Variants in COMMD1 observed in about 807,000 individuals in gnomAD.
COMMD1 encodes the protein copper metabolism domain containing 1.
COMMD1 carries 10 observed loss-of-function variants against 17.2 expected under a neutral mutation model. That is an observed-to-expected ratio of 0.58 (90% CI 0.36 to 0.99). The LOEUF (loss-of-function observed/expected upper bound fraction) is 0.99. Among genes scored for constraint, COMMD1 ranks in the 50% least tolerant of loss-of-function variants. The pLI is 0.01. For missense variants in COMMD1, 270 were observed against 231.8 expected, an observed-to-expected ratio of 1.17 and a Z score of -1.07; for synonymous variants, 97 against 91.6, an observed-to-expected ratio of 1.06 and a Z score of -0.34.
At chr2:62,063,898 T>TATATATA (rs1438732823) in intron 2 of COMMD1, among the ~76,000 whole-genome samples, 38 of 126,302 alleles carry the variant, frequency 3.0e-4, no homozygotes, top group South Asian at 5.4e-4. Flanking sequence ...TATATATATA[T>TATATATA]TAGCCAGGCA....
chr2:62,058,982 G>GTTAGT (rs773790034), intron 2 of COMMD1, among the ~76,000 whole-genome samples: 84 of 152,102 alleles, frequency 5.5e-4, no homozygotes, highest in Non-Finnish European at 1.0e-3. Flanking sequence ...GTTTCTCCAT[G>GTTAGT]TTAGTCAGGC....
chr2:61,969,082 C>T (rs1671580084), intron 1 of COMMD1: 1 of 432,064 alleles, frequency 2.3e-6, no homozygotes, highest in Non-Finnish European at 4.7e-6. Flanking sequence ...CCTCAGCCTC[C>T]TGAGCAGCTG....
intron 2 of COMMD1, among the ~76,000 whole-genome samples, chr2:62,111,675 C>T (rs905266534): frequency 2.6e-5 from 4 of 152,030 alleles, no homozygotes; most frequent in Admixed American, 1.3e-4. Context: ...TGACTTGAAA[C>T]GGGAAAGAGG....
chr2:62,083,254 C>T (rs940538222), intron 2 of COMMD1, among the ~76,000 whole-genome samples: 3 of 150,332 alleles, frequency 2.0e-5, no homozygotes, highest in South Asian at 4.2e-4. Flanking sequence ...CAGAATAAGA[C>T]CCTGTCTCAA....
chr2:61,939,297 C>CAAA (rs1194444288), intron 1 of COMMD1, among the ~76,000 whole-genome samples: 1 of 65,272 alleles, frequency 1.5e-5, no homozygotes, highest in Non-Finnish European at 3.5e-5. Context: ...ACTAAAAATA[C>CAAA]AAAAAAAAAA....
At chr2:62,116,202 A>G (rs551811299) in intron 2 of COMMD1, among the ~76,000 whole-genome samples, 1 of 152,226 alleles carries the variant, frequency 6.6e-6, no homozygotes, top group Admixed American at 6.5e-5. Flanking sequence ...CAGATGTCTT[A>G]TGTTTTATAA....
At chr2:62,088,539 G>A (rs1307011391) in intron 2 of COMMD1, among the ~76,000 whole-genome samples, 1 of 152,116 alleles carries the variant, frequency 6.6e-6, no homozygotes, top group Non-Finnish European at 1.5e-5. Flanking sequence ...CTTATCTACA[G>A]TCCATTTGAT....
intron 2 of COMMD1, among the ~76,000 whole-genome samples, chr2:62,067,790 T>G (rs559085062): frequency 6.6e-6 from 1 of 152,178 alleles, no homozygotes; most frequent in Non-Finnish European, 1.5e-5. Flanking sequence ...ACCTGTCACT[T>G]TGAGGATCTT....
chr2:62,110,865 C>T (rs534130765), intron 2 of COMMD1, among the ~76,000 whole-genome samples: 6 of 152,150 alleles, frequency 3.9e-5, no homozygotes, highest in Admixed American at 3.3e-4. Flanking sequence ...TGAGAAATAA[C>T]CCAGAGAGAT....
At chr2:61,936,671 C>G (rs1007028338) in intron 1 of COMMD1, among the ~76,000 whole-genome samples, 3 of 152,100 alleles carry the variant, frequency 2.0e-5, no homozygotes, top group African/African-American at 7.2e-5. Flanking sequence ...TGGGCTCAAG[C>G]GATCCTCCTG....
intron 1 of COMMD1, among the ~76,000 whole-genome samples, chr2:61,975,318 T>G (rs972282014): frequency 2.6e-5 from 4 of 152,164 alleles, no homozygotes; most frequent in African/African-American, 9.6e-5. Flanking sequence ...AAAACTGCTA[T>G]AAAAAACCAC....
chr2:62,068,108 C>G (rs1212728637), intron 2 of COMMD1, among the ~76,000 whole-genome samples: 3 of 152,164 alleles, frequency 2.0e-5, no homozygotes, highest in Non-Finnish European at 2.9e-5. Context: ...ACCTAGGTCA[C>G]TATAATACTA....
chr2:62,020,268 G>C (rs565625580), intron 2 of COMMD1, among the ~76,000 whole-genome samples: 1 of 152,320 alleles, frequency 6.6e-6, no homozygotes, highest in South Asian at 2.1e-4. Flanking sequence ...CAAAGGTGTC[G>C]TTACGTCACA....
intron 2 of COMMD1, among the ~76,000 whole-genome samples, chr2:62,008,721 T>C (rs546966985): frequency 7.2e-5 from 11 of 152,354 alleles, no homozygotes; most frequent in Admixed American, 5.9e-4. Flanking sequence ...CAGTAGGGAT[T>C]GATAAAATTT....
chr2:61,963,169 A>ATAT (rs1346419618), intron 1 of COMMD1, among the ~76,000 whole-genome samples: 9 of 143,566 alleles, frequency 6.3e-5, no homozygotes, highest in East Asian at 2.0e-4. Flanking sequence ...CAAAAAAAAA[A>ATAT]ATATATATAT....
At chr2:62,037,018 A>T (rs1670058068) in intron 2 of COMMD1, among the ~76,000 whole-genome samples, 1 of 152,200 alleles carries the variant, frequency 6.6e-6, no homozygotes, top group Non-Finnish European at 1.5e-5. Flanking sequence ...CCTATAAATC[A>T]GGTATTATCA....
At chr2:62,024,971 A>G (rs947645682) in intron 2 of COMMD1, among the ~76,000 whole-genome samples, 2 of 152,204 alleles carry the variant, frequency 1.3e-5, no homozygotes, top group Admixed American at 1.3e-4. Flanking sequence ...TCACGCCTGT[A>G]ATACTAGCAC....
At chr2:61,986,200 C>G (rs1672100747) in intron 1 of COMMD1, among the ~76,000 whole-genome samples, 1 of 151,744 alleles carries the variant, frequency 6.6e-6, no homozygotes, top group Non-Finnish European at 1.5e-5. Context: ...ATGCCAATCT[C>G]ACCTGGCATG....
intron 1 of COMMD1, among the ~76,000 whole-genome samples, chr2:61,935,851 C>T (rs939212939): frequency 4.6e-5 from 7 of 151,748 alleles, no homozygotes; most frequent in African/African-American, 1.7e-4. Flanking sequence ...GAGTCTCACT[C>T]TGTTGCCAAG....
Sources: allele counts gnomAD v4.1 joint callset (sites outside exome capture counted in the v4.1 genomes callset), GRCh38; gene constraint gnomAD v4.1.1; transcripts MANE v1.5; gene names NCBI Gene and HGNC (gene_info 2026-07-23, HGNC 2026-07-21).